The following LAMA5 variants were observed in gnomAD, a reference collection of about 807,000 sequenced individuals.
LAMA5 encodes the protein laminin subunit alpha 5.
A neutral mutation model predicts 433.4 loss-of-function variants in LAMA5; 260 were observed. The observed-to-expected ratio is 0.60, with a 90% CI of 0.54 to 0.66. The LOEUF (loss-of-function observed/expected upper bound fraction) is 0.66. Among genes scored for constraint, LAMA5 ranks in the 30% least tolerant of loss-of-function variants. LAMA5 has a pLI of 0.00. For missense variants in LAMA5, 5,378 were observed against 5,258.5 expected, an observed-to-expected ratio of 1.02 and a Z score of -0.70; for synonymous variants, 2,620 against 2,226.6, an observed-to-expected ratio of 1.18 and a Z score of -4.97.
At chr20:62,316,223 T>C in intron 57 of LAMA5, 165 bp from the exon 58 acceptor site, 1 of 615,332 alleles carries the variant, frequency 1.6e-6, no homozygotes, top group Non-Finnish European at 2.9e-6. Context: ...AGGTGTTGAG[T>C]CTCAGCGTAG....
In LAMA5 at chr20:62,309,277, A is replaced by C; in HGVS notation, c.*59T>G. ...CCAAATAGACACCTATGAGGCGAGC[A>C]CAAGGGGCGGTGTGAGGCAGCTGCA... On this transcript the variant is annotated 3_prime_UTR_variant, in exon 80 of 80. Coordinates refer to ENST00000252999, the MANE Select transcript of LAMA5 (RefSeq NM_005560.6). 1 of 1,551,668 alleles carries C rather than the reference A, an allele frequency of 6.4e-7. No homozygotes were observed. Among genetic ancestry groups the C allele is most frequent in the Non-Finnish European group, 8.7e-7 (1 of 1,149,026 alleles).
Position 62,317,519 on chromosome 20 carries a change from A to T in LAMA5, c.7357-20T>A. ...CAGCTCCTGGAATTTGAGTGGACTTAGCCCCTCATCCTGCTCACAGCCACC... is the reference window on the plus strand; with the variant it reads ...CAGCTCCTGGAATTTGAGTGGACTTTGCCCCTCATCCTGCTCACAGCCACC... On this transcript the variant is annotated intron_variant, in intron 54 of 79. Transcript: ENST00000252999. 2 of 1,537,422 alleles carry T rather than the reference A, an allele frequency of 1.3e-6. No homozygotes were observed. The highest frequency in any genetic ancestry group is 1.8e-6 in the Non-Finnish European group (2 of 1,138,598).
At chr20:62,351,676 A>C in intron 6 of LAMA5, 28 bp downstream of exon 6, 1 of 1,595,498 alleles carries the variant, frequency 6.3e-7, no homozygotes, top group Non-Finnish European at 8.5e-7. Flanking sequence ...CCTCACCTGA[A>C]CGGGGCCTCA....
At chr20:62,333,837 G>GTGGGA (rs1361299379) in intron 23 of LAMA5, 64 bp downstream of exon 23, 3 of 1,331,050 alleles carry the variant, frequency 2.3e-6, no homozygotes, top group African/African-American at 4.2e-5. Flanking sequence ...GGGCTTGGGA[G>GTGGGA]TGGGGTGGGG....
chr20:62,339,231 CTTTTTTTTTTTTTT>C (rs151158845), intron 11 of LAMA5, among the ~76,000 whole-genome samples: 1 of 55,960 alleles, frequency 1.8e-5, no homozygotes, highest in Admixed American at 2.9e-4. Flanking sequence ...ATTATAGTTT[CTTTTTTTTTTTTTT>C]TTTTTTTTTT....
At chr20:62,337,230 C>T (rs1189150117) in intron 16 of LAMA5, among the ~76,000 whole-genome samples, 1 of 152,080 alleles carries the variant, frequency 6.6e-6, no homozygotes, top group Non-Finnish European at 1.5e-5. Context: ...CGCCCACATG[C>T]GACACGCAAC....
chr20:62,364,876 A>G (rs1986547169), intron 1 of LAMA5, among the ~76,000 whole-genome samples: 1 of 152,220 alleles, frequency 6.6e-6, no homozygotes. Context: ...CAGGCCCCAT[A>G]GCCTTAGTGA....
Position 62,327,398 on chromosome 20 carries a change from A to G in LAMA5, c.4947T>C (p.Asp1649=), listed in dbSNP as rs368619962. 90 of 1,587,972 alleles carry G rather than the reference A, an allele frequency of 5.7e-5. 1 individual carries two copies. The African/African-American group carries it at 9.6e-4, about 17-fold the overall frequency. The change falls in exon 38 of 80, where the codon GAT becomes GAC. Residue 1649 remains aspartate, a synonymous_variant. Transcript: ENST00000252999. ...TGCTCAGCAGCACCCATCCCTCCAT[A>G]TCCACGAACTGTGGGCACACACGTG... ...SSSYTRQEFV[D]MEGWVLLSTD...
Position 62,314,701 on chromosome 20 carries a change from C to T in LAMA5, c.8221G>A (p.Gly2741Arg), listed in dbSNP as rs143969346. Residue 2741 changes from glycine to arginine, a missense_variant, in exon 61 of 80, where the codon GGG becomes AGG. Physicochemically the swap from Gly to Arg is moderately radical, Grantham distance 125 (BLOSUM62 -2). Coordinates refer to ENST00000252999, the MANE Select transcript of LAMA5 (RefSeq NM_005560.6). ...SKVKVPMKFN[G>R]RSGVQLRTPR... is the part of the protein sequence containing the mutation. ...GTGCGCAGCTGCACCCCTGAGCGCC[C>T]GTTGAACTTCATGGGCACCTTGACC... is the stretch of plus-strand genomic sequence containing the variant. The T allele has an allele frequency of 1.2e-4, 188 of 1,612,626 alleles. No individual in the cohort carries two copies. The African/African-American group carries it at 2.1e-3, about 18-fold the overall frequency.
chr20:62,334,333 C>T lies in LAMA5; in HGVS notation c.2592G>A (p.Arg864=). The T allele has an allele frequency of 1.2e-6, 2 of 1,601,458 alleles. No individual in the cohort carries two copies. Among genetic ancestry groups the T allele is most frequent in the Non-Finnish European group, 1.7e-6 (2 of 1,174,806 alleles). ...TQGPTCSEPA[R]DHYLPDLHHL... ...GGTGCAGGTCCGGGAGGTAGTGGTCCCTCGCAGGCCTGGCCACAGCAGGGG... is the reference window on the plus strand; with the variant it reads ...GGTGCAGGTCCGGGAGGTAGTGGTCTCTCGCAGGCCTGGCCACAGCAGGGG... Residue 864 remains arginine (R), a synonymous_variant, in exon 22 of 80, where the codon AGG becomes AGA. Transcript: ENST00000252999.
intron 24 of LAMA5, 21 bp downstream of exon 24, chr20:62,333,543 T>A: frequency 6.4e-7 from 1 of 1,567,488 alleles, no homozygotes; most frequent in Non-Finnish European, 8.6e-7. Context: ...CCCCCAGCCC[T>A]CACTCTGGCC....
Position 62,362,534 on chromosome 20 carries a change from A to G in LAMA5, c.316T>C (p.Cys106Arg). The G allele has an allele frequency of 6.3e-7, 1 of 1,596,450 alleles. No homozygotes were observed. The highest frequency in any genetic ancestry group is 8.5e-7 in the Non-Finnish European group (1 of 1,170,288). The change falls in exon 2 of 80, where the codon TGC becomes CGC. Residue 106 changes from cysteine (C) to arginine (R), a missense_variant. By Grantham distance (180) the Cys-to-Arg change is radical. Transcript: ENST00000252999. ...GCCTTGTTGCTGTTGGCAGCCGTGC[A>G]GATGTCACAGTACTGGCCCTGCAGA... ...QTIRGQYCDI[C>R]TAANSNKAHP... is the part of the protein sequence containing the mutation.
intron 16 of LAMA5, 166 bp from the exon 17 acceptor site, chr20:62,336,952 C>T (rs767217363): frequency 1.5e-5 from 11 of 719,628 alleles, no homozygotes; most frequent in South Asian, 3.0e-5. Flanking sequence ...CTGCTCCCTC[C>T]GCAGCAACGG....
chr20:62,310,319 G>C lies in LAMA5; in HGVS notation c.10601-8C>G. ...GTGTAGCTCCTGGGAGGTCTGCGGG[G>C]AGGGGTTGTGATGGAGAAGAAAGGG... On this transcript the variant is annotated splice_polypyrimidine_tract_variant and splice_region_variant and intron_variant, in intron 76 of 79. Transcript: ENST00000252999. The C allele has an allele frequency of 1.3e-6, 2 of 1,593,460 alleles. No homozygotes were observed. The highest frequency in any genetic ancestry group is 1.7e-6 in the Non-Finnish European group (2 of 1,168,386).
At position 62,311,699 on chromosome 20, in the gene LAMA5, G is replaced by T. The variant is rs1024447697; in HGVS notation, c.9721C>A (p.Pro3241Thr). ...PPELQPQPEG[P>T]PRLLLGGLPE... ...AGGCCTCCCAGGAGGAGCCTCGGGGGCCCCTCAGGCTGCGGCTGGAGCTCG... is the reference window on the plus strand; with the variant it reads ...AGGCCTCCCAGGAGGAGCCTCGGGGTCCCCTCAGGCTGCGGCTGGAGCTCG... Residue 3241 changes from proline (P) to threonine (T), a missense_variant, in exon 71 of 80, where the codon CCC (proline) becomes ACC (threonine). Physicochemically the swap from Pro to Thr is conservative, Grantham distance 38. Coordinates refer to ENST00000252999, the MANE Select transcript of LAMA5 (RefSeq NM_005560.6). 12 of 1,574,552 alleles carry T rather than the reference G, an allele frequency of 7.6e-6. No homozygotes were observed. The African/African-American group carries it at 1.2e-4, about 16-fold the overall frequency.
In LAMA5 at chr20:62,315,190, T is replaced by A; in HGVS notation, c.7885A>T (p.Ile2629Phe). Reference sequence around the variant, plus strand: ...GCAGCCACAGCCTTGGCATGTGCGATCTTCTTGCTTGTCTCGTCTGTGGTG... The same window carrying A: ...GCAGCCACAGCCTTGGCATGTGCGAACTTCTTGCTTGTCTCGTCTGTGGTG... ...AMDTDETSKKIAHAKAVAAEA... is the reference protein window; with the variant it reads ...AMDTDETSKKFAHAKAVAAEA... Residue 2629 changes from isoleucine to phenylalanine, a missense_variant, in exon 59 of 80, where the codon ATC becomes TTC. Physicochemically the swap from Ile to Phe is conservative, Grantham distance 21 (BLOSUM62 0). Coordinates refer to ENST00000252999, the MANE Select transcript of LAMA5 (RefSeq NM_005560.6). 6.2e-7 allele frequency: 1 copy of A among 1,608,612 alleles called. No homozygotes were observed. The highest frequency in any genetic ancestry group is 1.1e-5 in the South Asian group (1 of 90,740).
In LAMA5 at chr20:62,351,698, C is replaced by T. The variant is rs186054581; in HGVS notation, c.956+6G>A. 64 of 1,610,426 alleles carry T rather than the reference C, an allele frequency of 4.0e-5. No individual in the cohort carries two copies. The highest frequency in any genetic ancestry group is 5.4e-5 in the Non-Finnish European group (64 of 1,179,310). On this transcript the variant is annotated splice_donor_region_variant and intron_variant, in intron 6 of 79. Transcript: ENST00000252999. ...TGAACGGGGCCTCACCTGAATGGGG[C>T]CTCACCTGAACGGGTCCGTGGGGTC... is the stretch of plus-strand genomic sequence containing the variant.
At chr20:62,335,153 G>T in intron 19 of LAMA5, 27 bp from the exon 20 acceptor site, 1 of 1,612,456 alleles carries the variant, frequency 6.2e-7, no homozygotes, top group Non-Finnish European at 8.5e-7. Context: ...GAGGTGAAGT[G>T]GGGCAGGGGA....
Position 62,334,612 on chromosome 20 carries a change from C to T in LAMA5, c.2492G>A (p.Cys831Tyr). Residue 831 changes from cysteine to tyrosine, a missense_variant, in exon 21 of 80, where the codon TGT (cysteine) becomes TAT (tyrosine). Coordinates refer to ENST00000252999, the MANE Select transcript of LAMA5 (RefSeq NM_005560.6). ...CTGGCCCAGTGCACCGCCAATGTCA[C>T]ACCGGCAGCCTGCAGGGAGAAGGTG... ...ADYFGCRSCR[C>Y]DIGGALGQSC... The T allele has an allele frequency of 6.5e-7, 1 of 1,546,726 alleles. No individual in the cohort carries two copies. Among genetic ancestry groups the T allele is most frequent in the Non-Finnish European group, 8.7e-7 (1 of 1,146,528 alleles).
Sources: gnomAD v4.1 joint callset for allele counts (sites outside exome capture counted in the v4.1 genomes callset) on GRCh38, gnomAD v4.1.1 for gene constraint, MANE v1.5 for transcripts, NCBI Gene and HGNC (gene_info 2026-07-23, HGNC 2026-07-21) for gene names.